Variants in PRR16 observed in about 807,000 individuals in gnomAD.
PRR16 encodes protein Largen.
Under a neutral mutation model 18.2 loss-of-function variants are expected in PRR16, and 6 were observed. That is an observed-to-expected ratio of 0.33 (90% CI 0.18 to 0.65). PRR16 has a LOEUF of 0.65. Among genes scored for constraint, PRR16 ranks in the 30% least tolerant of loss-of-function variants. The pLI is 0.74. For missense variants in PRR16, 412 were observed against 376.6 expected (o/e 1.09, Z -0.78); for synonymous variants, 151 against 147.8 (o/e 1.02, Z -0.16).
chr5:120,476,721 C>G (rs1749453915), intron 1 of PRR16, among the ~76,000 whole-genome samples: 1 of 152,076 alleles, frequency 6.6e-6, no homozygotes, highest in Non-Finnish European at 1.5e-5. Context: ...TTCCTGCCAG[C>G]ATACAAATGA....
intron 1 of PRR16, among the ~76,000 whole-genome samples, chr5:120,662,658 A>G (rs1756216271): frequency 6.6e-6 from 1 of 151,962 alleles, no homozygotes; most frequent in Non-Finnish European, 1.5e-5. Flanking sequence ...AATTCTTTTC[A>G]TCTTGCTATG....
At chr5:120,762,667 G>C in the PRR16 span, among the ~76,000 whole-genome samples, 1 of 152,032 alleles carries the variant, frequency 6.6e-6, no homozygotes, top group Non-Finnish European at 1.5e-5. Flanking sequence ...TGAGTACCTT[G>C]TGTGTTCTAG....
At chr5:120,783,910 T>C in the PRR16 span, among the ~76,000 whole-genome samples, 3 of 152,106 alleles carry the variant, frequency 2.0e-5, no homozygotes, top group South Asian at 2.1e-4. Context: ...CATTCTACTT[T>C]CCACCTTCAT....
At chr5:120,588,502 T>A (rs547361842) in intron 1 of PRR16, among the ~76,000 whole-genome samples, 20 of 152,304 alleles carry the variant, frequency 1.3e-4, no homozygotes, top group African/African-American at 4.8e-4. Context: ...CTTCTACCAT[T>A]AGAAGGATTT....
At chr5:120,637,393 G>T (rs928929649) in intron 1 of PRR16, among the ~76,000 whole-genome samples, 2 of 146,178 alleles carry the variant, frequency 1.4e-5, no homozygotes, top group African/African-American at 2.5e-5. Context: ...CAAAAATATG[G>T]AACCAGCCCA....
At chr5:120,729,570 T>C in the PRR16 span, among the ~76,000 whole-genome samples, 3 of 152,172 alleles carry the variant, frequency 2.0e-5, no homozygotes, top group Non-Finnish European at 4.4e-5. Context: ...TTATTGTCTA[T>C]TTCTCTTCCA....
chr5:120,754,475 A>G, the PRR16 span, among the ~76,000 whole-genome samples: 1 of 92,592 alleles, frequency 1.1e-5, no homozygotes, highest in Non-Finnish European at 1.9e-5. Context: ...TATAGTATAT[A>G]TTATATAATA....
chr5:120,610,805 T>C (rs112424854), intron 1 of PRR16, among the ~76,000 whole-genome samples: 2 of 152,048 alleles, frequency 1.3e-5, no homozygotes, highest in Non-Finnish European at 2.9e-5. Context: ...TTGGTACCAA[T>C]AGAGTGGGGT....
the PRR16 span, among the ~76,000 whole-genome samples, chr5:120,793,298 C>G: frequency 6.6e-6 from 1 of 151,282 alleles, no homozygotes; most frequent in Non-Finnish European, 1.5e-5. Flanking sequence ...CAAATGTAGG[C>G]ATGTTTAACT....
chr5:120,577,517 C>G (rs1366209429), intron 1 of PRR16, among the ~76,000 whole-genome samples: 1 of 151,858 alleles, frequency 6.6e-6, no homozygotes, highest in Non-Finnish European at 1.5e-5. Context: ...AACATGGACA[C>G]CTTCCTGATA....
At chr5:120,765,703 T>C in the PRR16 span, among the ~76,000 whole-genome samples, 1 of 152,070 alleles carries the variant, frequency 6.6e-6, no homozygotes, top group Non-Finnish European at 1.5e-5. Context: ...AAACATAGTA[T>C]GTAACTAGCA....
chr5:120,659,248 G>A (rs1486998103), intron 1 of PRR16, among the ~76,000 whole-genome samples: 4 of 151,748 alleles, frequency 2.6e-5, no homozygotes, highest in Non-Finnish European at 4.4e-5. Flanking sequence ...TTCTTTGTTG[G>A]CTAGATTTCA....
chr5:120,665,681 G>A (rs1369416775), intron 1 of PRR16, among the ~76,000 whole-genome samples: 1 of 152,108 alleles, frequency 6.6e-6, no homozygotes, highest in Non-Finnish European at 1.5e-5. Context: ...CGTATGGCTA[G>A]CCAGTTTTCC....
intron 1 of PRR16, among the ~76,000 whole-genome samples, chr5:120,572,765 A>G (rs1421279054): frequency 2.6e-5 from 4 of 152,216 alleles, no homozygotes; most frequent in Admixed American, 2.0e-4. Flanking sequence ...TAGGTCATGA[A>G]GTAGAAGAAC....
Position 120,580,555 on chromosome 5 carries a change from C to T in PRR16, c.160-105399C>T, listed in dbSNP as rs557470954. ...CTGCAAGCTCCACCTCCCAGGTTCACGCCATTCTCCTGCCTCAGCCTCCCG... is the reference window on the plus strand; with the variant it reads ...CTGCAAGCTCCACCTCCCAGGTTCATGCCATTCTCCTGCCTCAGCCTCCCG... On this transcript the variant is annotated intron_variant, in intron 1 of 1. Transcript: ENST00000407149. Among the ~76,000 whole-genome samples the T allele has an allele frequency of 6.0e-5, 9 of 150,778 alleles. 1 individual carries two copies. Among genetic ancestry groups the T allele is most frequent in the South Asian group, 4.2e-4 (2 of 4,748 alleles).
At chr5:120,485,326 G>C (rs1330341341) in intron 1 of PRR16, among the ~76,000 whole-genome samples, 1 of 152,022 alleles carries the variant, frequency 6.6e-6, no homozygotes. Context: ...AAATTATTAG[G>C]ATAAATATTG....
the PRR16 span, among the ~76,000 whole-genome samples, chr5:120,758,691 C>T: frequency 1.3e-5 from 2 of 152,038 alleles, no homozygotes; most frequent in African/African-American, 4.8e-5. Context: ...TGCCTTGCTT[C>T]CCCTTGGCCT....
the PRR16 span, among the ~76,000 whole-genome samples, chr5:120,716,445 G>T: frequency 6.6e-6 from 1 of 152,136 alleles, no homozygotes; most frequent in Non-Finnish European, 1.5e-5. Flanking sequence ...CCTTTTACAT[G>T]TTTTTCTTCT....
the PRR16 span, among the ~76,000 whole-genome samples, chr5:120,786,217 G>T: frequency 2.0e-5 from 3 of 151,290 alleles, no homozygotes; most frequent in Admixed American, 6.6e-5. Flanking sequence ...AATGTGAATA[G>T]AGGGATAGCA....
Sources: allele counts gnomAD v4.1 joint callset (sites outside exome capture counted in the v4.1 genomes callset), GRCh38; gene constraint gnomAD v4.1.1; transcripts MANE v1.5; gene names NCBI Gene and HGNC (gene_info 2026-07-23, HGNC 2026-07-21).